PIK3R5: variants seen among roughly 807,000 people sequenced by gnomAD.
PIK3R5 encodes phosphoinositide 3-kinase regulatory subunit 5.
A neutral mutation model predicts 94.9 loss-of-function variants in PIK3R5; 32 were observed. The observed-to-expected ratio is 0.34, with a 90% CI of 0.25 to 0.45. The LOEUF (loss-of-function observed/expected upper bound fraction) is 0.45, where lower values mean the gene tolerates loss of function less well. Ranked by LOEUF, PIK3R5 falls within the 20% of genes least tolerant of loss-of-function variation. The pLI is 1.00. For synonymous variants in PIK3R5, 443 were observed against 479.4 expected (o/e 0.92, Z 0.99); for missense variants, 853 against 1,144.6 (o/e 0.75, Z 3.68).
chr17:8,963,954 T>C (rs1262281425), intron 1 of PIK3R5, among the ~76,000 whole-genome samples: 2 of 152,114 alleles, frequency 1.3e-5, no homozygotes, highest in Non-Finnish European at 2.9e-5. Context: ...CATCCAAAAC[T>C]GTCTTCTTTG....
chr17:8,884,675 T>C lies in PIK3R5; in HGVS notation c.2205+32A>G, dbSNP rs746511150. The stretch of plus-strand genomic sequence containing the variant: ...CGGAGGAAGTATCAGCAGCAGATCC[T>C]GGAGGGGAAGGAGCCCCAGCACGGG... On this transcript the variant is annotated intron_variant, in intron 15 of 18. Coordinates refer to ENST00000447110, the MANE Select transcript of PIK3R5 (RefSeq NM_001142633.3). This position sits in a 1 kb window ranked among gnomAD's most constrained non-coding sequence, Gnocchi z 5.8. 1.9e-6 allele frequency: 3 copies of C among 1,550,646 alleles called. No individual in the cohort carries two copies. In the Admixed American group the frequency reaches 5.0e-5, roughly 26 times the overall value.
rs1351673841 is a variant in PIK3R5, at chr17:8,896,701, A to G, written c.413-3046T>C. On this transcript the variant is annotated intron_variant, in intron 5 of 18. Coordinates refer to ENST00000447110, the MANE Select transcript of PIK3R5 (RefSeq NM_001142633.3). The surrounding 1 kb of genome is among the most constrained non-coding windows in gnomAD (Gnocchi z 4.0). ...GAACAGCAGACTGTGAAGATCCAGGACACAGGAAAATCACTACATCTGCCA... is the reference window on the plus strand; with the variant it reads ...GAACAGCAGACTGTGAAGATCCAGGGCACAGGAAAATCACTACATCTGCCA... 6.6e-6 allele frequency among the ~76,000 whole-genome samples: 1 copy of G among 152,184 alleles called. No homozygotes were observed. The highest frequency in any genetic ancestry group is 2.4e-5 in the African/African-American group (1 of 41,446).
At chr17:8,926,464 A>C (rs1032505178) in intron 1 of PIK3R5, among the ~76,000 whole-genome samples, 12 of 152,204 alleles carry the variant, frequency 7.9e-5, no homozygotes, top group Non-Finnish European at 1.6e-4. Context: ...TGAGACTGGG[A>C]AGAAAAATAG....
At chr17:8,886,827 G>A (rs1180622552) in intron 12 of PIK3R5, among the ~76,000 whole-genome samples, 3 of 152,164 alleles carry the variant, frequency 2.0e-5, no homozygotes, top group Non-Finnish European at 4.4e-5. Flanking sequence ...GCCAGACAAA[G>A]GCGGGAGTTG....
intron 5 of PIK3R5, among the ~76,000 whole-genome samples, chr17:8,903,278 A>G (rs1243481618): frequency 3.3e-5 from 5 of 151,772 alleles, no homozygotes; most frequent in Admixed American, 3.3e-4. Context: ...TGTATATTTA[A>G]TATATTTCTA....
chr17:8,919,461 A>C lies in PIK3R5; in HGVS notation c.-13-7954T>G, dbSNP rs182313387. Reference sequence around the variant, plus strand: ...AGGCTGGCTGCCTCAAAATCCCCCAACCTGAAGTTCCTAAACTGGGGCTGA... The same window carrying C: ...AGGCTGGCTGCCTCAAAATCCCCCACCCTGAAGTTCCTAAACTGGGGCTGA... On this transcript the variant is annotated intron_variant, in intron 1 of 18. Transcript: ENST00000447110. Among the ~76,000 whole-genome samples the C allele has an allele frequency of 3.7e-4, 57 of 152,208 alleles. 1 individual carries two copies. Among genetic ancestry groups the C allele is most frequent in the African/African-American group, 1.2e-3 (51 of 41,516 alleles).
In PIK3R5 at chr17:8,879,138, A is replaced by T. The variant is rs1348902865; in HGVS notation, c.*1501T>A. ...TGGCTCTGTCCACGTCTCTCAAGTC[A>T]TGAGTACTCTGGGCTGGAATTTCAC... On this transcript the variant is annotated 3_prime_UTR_variant, in exon 19 of 19. Coordinates refer to ENST00000447110, the MANE Select transcript of PIK3R5 (RefSeq NM_001142633.3). This position sits in a 1 kb window ranked among gnomAD's most constrained non-coding sequence, Gnocchi z 4.4. 6.6e-6 allele frequency: 1 copy of T among 152,202 alleles called. No individual in the cohort carries two copies. Among genetic ancestry groups the T allele is most frequent in the Admixed American group, 6.5e-5 (1 of 15,280 alleles). The allele number at this position is 152,202 out of a possible 1,614,324, so 9.4% of individuals were successfully genotyped here.
chr17:8,948,745 T>A (rs2091322987), intron 1 of PIK3R5, among the ~76,000 whole-genome samples: 1 of 152,148 alleles, frequency 6.6e-6, no homozygotes. Flanking sequence ...ACATACCCAG[T>A]GGAAGATGCT....
intron 1 of PIK3R5, among the ~76,000 whole-genome samples, chr17:8,942,428 C>T (rs1056793048): frequency 3.9e-5 from 6 of 152,076 alleles, no homozygotes; most frequent in Admixed American, 3.9e-4. Flanking sequence ...CCCATTCCTG[C>T]CACCTCACCC....
Position 8,881,972 on chromosome 17 carries a change from C to T in PIK3R5, c.2206-91G>A. ...AAGGCCCATCAGTGACAGGGGGTTG[C>T]CTCTAGTTAGCATATCCCCAGAAAG... On this transcript the variant is annotated intron_variant, in intron 15 of 18. Transcript: ENST00000447110. The surrounding 1 kb of genome is among the most constrained non-coding windows in gnomAD (Gnocchi z 4.8). 1.0e-6 allele frequency: 1 copy of T among 971,282 alleles called. No individual in the cohort carries two copies. The highest frequency in any genetic ancestry group is 2.6e-5 in the East Asian group (1 of 38,520). 60.2% of individuals were successfully genotyped at this position (971,282 alleles called of 1,614,324 possible).
chr17:8,886,829 C>T (rs1005198628), intron 12 of PIK3R5, among the ~76,000 whole-genome samples: 2 of 152,278 alleles, frequency 1.3e-5, no homozygotes, highest in Middle Eastern at 3.4e-3. Flanking sequence ...CAGACAAAGG[C>T]GGGAGTTGAG....
Position 8,893,486 on chromosome 17 carries a change from G to A in PIK3R5, c.482+100C>T. On this transcript the variant is annotated intron_variant, in intron 6 of 18. Transcript: ENST00000447110. The surrounding 1 kb of genome is among the most constrained non-coding windows in gnomAD (Gnocchi z 5.1). The stretch of plus-strand genomic sequence containing the variant: ...GCTGGCTGGGGTGGACAGGGGGTGG[G>A]GGCACTGGATGTTTGAGTGGGGGAG... 1 of 927,750 alleles carries A rather than the reference G, an allele frequency of 1.1e-6. No homozygotes were observed. Among genetic ancestry groups the A allele is most frequent in the Non-Finnish European group, 1.8e-6 (1 of 568,812 alleles). The allele number at this position is 927,750 out of a possible 1,614,324, so 57.5% of individuals were successfully genotyped here.
intron 1 of PIK3R5, among the ~76,000 whole-genome samples, chr17:8,940,026 C>A (rs2091146313): frequency 6.6e-6 from 1 of 152,214 alleles, no homozygotes; most frequent in African/African-American, 2.4e-5. Flanking sequence ...TTAAAAACAA[C>A]CCCCAGAGAG....
chr17:8,965,111 G>C (rs534633474), intron 1 of PIK3R5, among the ~76,000 whole-genome samples: 23 of 152,354 alleles, frequency 1.5e-4, no homozygotes, highest in African/African-American at 5.0e-4. Flanking sequence ...CAGCAGCCGC[G>C]TCTGGGCCCA....
At chr17:8,922,014 G>A (rs975639050) in intron 1 of PIK3R5, among the ~76,000 whole-genome samples, 4 of 152,126 alleles carry the variant, frequency 2.6e-5, no homozygotes, top group South Asian at 2.1e-4. Context: ...TTTGCAAATC[G>A]TATATCTGAT....
Position 8,889,961 on chromosome 17 carries a change from C to T in PIK3R5, c.811+12G>A. ...GGAATGTGGGAGAACCCCATTCTCC[C>T]AAGAGCCTCACCTAACACCCCAGGG... is the stretch of plus-strand genomic sequence containing the variant. On this transcript the variant is annotated intron_variant, in intron 8 of 18. Transcript: ENST00000447110. The surrounding 1 kb of genome is among the most constrained non-coding windows in gnomAD (Gnocchi z 4.1). The T allele has an allele frequency of 1.2e-6, 2 of 1,613,452 alleles. No homozygotes were observed. Among genetic ancestry groups the T allele is most frequent in the Non-Finnish European group, 1.7e-6 (2 of 1,179,846 alleles).
chr17:8,908,554 C>CACACACAT (rs2090446257), intron 3 of PIK3R5, among the ~76,000 whole-genome samples: 1 of 151,724 alleles, frequency 6.6e-6, no homozygotes, highest in Non-Finnish European at 1.5e-5. Context: ...CACACACACA[C>CACACACAT]ACACACACAC....
chr17:8,959,716 A>G (rs78317033), intron 1 of PIK3R5, among the ~76,000 whole-genome samples: 2,398 of 152,310 alleles, frequency 0.016, 68 homozygotes, highest in African/African-American at 0.053. Flanking sequence ...ACCCAGTGAT[A>G]CGTCTGCACA....
chr17:8,893,705 T>C lies in PIK3R5; in HGVS notation c.413-50A>G, dbSNP rs1444643821. 36 of 1,408,812 alleles carry C rather than the reference T, an allele frequency of 2.6e-5. 1 individual carries two copies. The highest frequency in any genetic ancestry group is 3.5e-5 in the Non-Finnish European group (35 of 993,654). The allele number at this position is 1,408,812 out of a possible 1,614,324, so 87.3% of individuals were successfully genotyped here. ...CATGGGCTGATCAGTTCCTTCAGCATCGTCCGTGTGCCTCGTGGGGAGCCA... is the reference window on the plus strand; with the variant it reads ...CATGGGCTGATCAGTTCCTTCAGCACCGTCCGTGTGCCTCGTGGGGAGCCA... On this transcript the variant is annotated intron_variant, in intron 5 of 18. Transcript: ENST00000447110. The surrounding 1 kb of genome is among the most constrained non-coding windows in gnomAD (Gnocchi z 5.1).
Sources: allele counts gnomAD v4.1 joint callset (sites outside exome capture counted in the v4.1 genomes callset), GRCh38; gene constraint gnomAD v4.1.1; non-coding constraint Gnocchi (gnomAD v3.1); transcripts MANE v1.5; gene names NCBI Gene and HGNC (gene_info 2026-07-23, HGNC 2026-07-21).